AFAP1: variants seen among roughly 807,000 people sequenced by gnomAD.
The protein encoded by AFAP1 is actin filament associated protein 1.
Under a neutral mutation model 93.9 loss-of-function variants are expected in AFAP1, and 75 were observed. The observed-to-expected ratio is 0.80, with a 90% CI of 0.66 to 0.97. The LOEUF is 0.97. Among genes scored for constraint, AFAP1 ranks in the 50% least tolerant of loss-of-function variants. The pLI, the probability that AFAP1 is intolerant of heterozygous loss-of-function variation, is 0.00. For synonymous variants in AFAP1, 517 were observed against 430.7 expected (o/e 1.20, Z -2.48); for missense variants, 1,201 against 1,050.8 (o/e 1.14, Z -1.98).
In AFAP1 at chr4:7,774,783, C is replaced by G. The variant is rs1384138156; in HGVS notation, c.2018G>C (p.Arg673Pro). 1 of 1,614,090 alleles carries G rather than the reference C, an allele frequency of 6.2e-7. No individual in the cohort carries two copies. Among genetic ancestry groups the G allele is most frequent in the Non-Finnish European group, 8.5e-7 (1 of 1,180,048 alleles). ...EALRNRLAQLRKERKDLRAAI... is the reference protein window; with the variant it reads ...EALRNRLAQLPKERKDLRAAI... ...CGCTCGAAGGTCTTTTCTTTCCTTG[C>G]GGAGCTGGGCCAGCCTATTCCGCAG... The change falls in exon 15 of 18, where the codon CGC (arginine) becomes CCC (proline). Residue 673 changes from arginine (R) to proline (P), a missense_variant. Coordinates refer to ENST00000420658, the MANE Select transcript of AFAP1 (RefSeq NM_001134647.2).
intron 1 of AFAP1, among the ~76,000 whole-genome samples, chr4:7,934,562 G>GAT (rs10648234): frequency 0.025 from 3,765 of 152,264 alleles, 146 homozygotes; most frequent in African/African-American, 0.084. Flanking sequence ...CACTGTCTGG[G>GAT]ATATCAGGGG....
intron 1 of AFAP1, among the ~76,000 whole-genome samples, chr4:7,884,395 T>C (rs1259782867): frequency 1.3e-5 from 2 of 152,178 alleles, no homozygotes; most frequent in Non-Finnish European, 2.9e-5. Flanking sequence ...CTAAATTTCA[T>C]ATGGAAAAAA....
chr4:7,889,510 A>G (rs1337784955), intron 1 of AFAP1, among the ~76,000 whole-genome samples: 7 of 143,032 alleles, frequency 4.9e-5, no homozygotes, highest in Non-Finnish European at 1.0e-4. Context: ...CCAAGATCGC[A>G]CCACTGCACT....
At chr4:7,872,956 A>AC (rs1717181732) in intron 1 of AFAP1, among the ~76,000 whole-genome samples, 1 of 150,204 alleles carries the variant, frequency 6.7e-6, no homozygotes, top group Non-Finnish European at 1.5e-5. Flanking sequence ...AAAAAAAAAA[A>AC]AAAACTACTT....
intron 17 of AFAP1, among the ~76,000 whole-genome samples, chr4:7,768,023 C>A: frequency 6.6e-6 from 1 of 152,232 alleles, no homozygotes; most frequent in East Asian, 1.9e-4. Context: ...CTGTGGTGAG[C>A]TGTGATGGCA....
chr4:7,765,405 T>G (rs1714412484), intron 17 of AFAP1, among the ~76,000 whole-genome samples: 2 of 152,344 alleles, frequency 1.3e-5, no homozygotes, highest in African/African-American at 2.4e-5. Flanking sequence ...TCCCATCTTC[T>G]GTGCAGTTTT....
In AFAP1 at chr4:7,767,245, C is replaced by G. The variant is rs1203214123; in HGVS notation, c.2418+1599G>C. 2.0e-5 allele frequency among the ~76,000 whole-genome samples: 3 copies of G among 152,186 alleles called. No homozygotes were observed. In the East Asian group the frequency reaches 5.8e-4, roughly 29 times the overall value. ...AGCTGGCTGTGCATCTGAGGTGGCC[C>G]AGGATCACTCGCTTCCCATTCACCA... On this transcript the variant is annotated intron_variant, in intron 17 of 17. Transcript: ENST00000420658.
intron 9 of AFAP1, among the ~76,000 whole-genome samples, chr4:7,804,285 G>A (rs1719309164): frequency 6.6e-6 from 1 of 152,200 alleles, no homozygotes. Flanking sequence ...CTCACCCAGG[G>A]CGTCTCAAGA....
At chr4:7,911,170 C>T (rs1719702330) in intron 1 of AFAP1, among the ~76,000 whole-genome samples, 1 of 152,204 alleles carries the variant, frequency 6.6e-6, no homozygotes. Context: ...GACCCCTCCA[C>T]TCCTCCCTGG....
intron 4 of AFAP1, among the ~76,000 whole-genome samples, chr4:7,849,526 A>G (rs1714192360): frequency 6.6e-6 from 1 of 152,240 alleles, no homozygotes; most frequent in African/African-American, 2.4e-5. Flanking sequence ...TGAGGGGGAA[A>G]GAGATGACAA....
intron 1 of AFAP1, among the ~76,000 whole-genome samples, chr4:7,875,586 T>C (rs1717445919): frequency 7.1e-6 from 1 of 141,066 alleles, no homozygotes; most frequent in African/African-American, 2.7e-5. Flanking sequence ...GTCAATGCAC[T>C]CCAGCCTGGG....
At chr4:7,785,544 T>C (rs1717180953) in intron 12 of AFAP1, among the ~76,000 whole-genome samples, 1 of 152,210 alleles carries the variant, frequency 6.6e-6, no homozygotes, top group African/African-American at 2.4e-5. Flanking sequence ...ATTGATAACC[T>C]ATACTGTGCT....
intron 16 of AFAP1, among the ~76,000 whole-genome samples, chr4:7,769,954 G>C (rs568660959): frequency 6.6e-6 from 1 of 152,320 alleles, no homozygotes; most frequent in Admixed American, 6.5e-5. Context: ...GGACATCTGT[G>C]TCTGGCAGAG....
intron 1 of AFAP1, among the ~76,000 whole-genome samples, chr4:7,914,745 T>C (rs1719975419): frequency 6.6e-6 from 1 of 152,120 alleles, no homozygotes; most frequent in Non-Finnish European, 1.5e-5. Context: ...CTGCACTAGC[T>C]TACTCTTATT....
At chr4:7,824,628 T>C (rs1560182182) in intron 6 of AFAP1, among the ~76,000 whole-genome samples, 1 of 152,182 alleles carries the variant, frequency 6.6e-6, no homozygotes, top group Admixed American at 6.5e-5. Flanking sequence ...TTTTTAATGG[T>C]TACATTAAAA....
intron 4 of AFAP1, among the ~76,000 whole-genome samples, chr4:7,844,406 C>T (rs962564726): frequency 1.3e-5 from 2 of 152,160 alleles, no homozygotes; most frequent in Admixed American, 6.5e-5. Context: ...CCTGGACTCC[C>T]GGACTGACGA....
At chr4:7,766,485 C>T (rs963814552) in intron 17 of AFAP1, among the ~76,000 whole-genome samples, 6 of 152,126 alleles carry the variant, frequency 3.9e-5, no homozygotes, top group African/African-American at 7.2e-5. Context: ...ACAGAATAAG[C>T]GACAGGATGA....
chr4:7,822,160 C>T (rs1181371010), intron 6 of AFAP1, among the ~76,000 whole-genome samples: 1 of 152,156 alleles, frequency 6.6e-6, no homozygotes, highest in East Asian at 1.9e-4. Flanking sequence ...CTAGGGAAGG[C>T]ATGTTCACGC....
At chr4:7,816,291 C>T (rs1270732513) in intron 7 of AFAP1, among the ~76,000 whole-genome samples, 192 bp from the exon 8 acceptor site, 4 of 151,766 alleles carry the variant, frequency 2.6e-5, no homozygotes, top group African/African-American at 9.7e-5. Flanking sequence ...TAAAAACATC[C>T]AGAGGGGGAA....
Sources: allele counts gnomAD v4.1 joint callset (sites outside exome capture counted in the v4.1 genomes callset), GRCh38; gene constraint gnomAD v4.1.1; transcripts MANE v1.5; gene names NCBI Gene and HGNC (gene_info 2026-07-23, HGNC 2026-07-21).